Variants in EPHB1 observed in about 807,000 individuals in gnomAD.
The protein encoded by EPHB1 is EPH receptor B1, also known as ephrin type-B receptor 1.
A neutral mutation model predicts 94.4 loss-of-function variants in EPHB1; 30 were observed. The observed-to-expected ratio is 0.32, with a 90% CI of 0.24 to 0.43. EPHB1 has a LOEUF of 0.43. Ranked by LOEUF, EPHB1 falls within the 20% of genes least tolerant of loss-of-function variation. The pLI is 1.00. For synonymous variants in EPHB1, 522 were observed against 489.1 expected (o/e 1.07, Z -0.89); for missense variants, 1,055 against 1,308.3 (o/e 0.81, Z 2.99).
intron 1 of EPHB1, among the ~76,000 whole-genome samples, chr3:134,830,897 A>C (rs879763551): frequency 2.0e-5 from 3 of 152,160 alleles, no homozygotes; most frequent in Non-Finnish European, 4.4e-5. Flanking sequence ...AAAGGGTAGA[A>C]GCCCTGGATG....
intron 4 of EPHB1, among the ~76,000 whole-genome samples, chr3:135,116,610 G>A (rs1939726350): frequency 6.6e-6 from 1 of 152,126 alleles, no homozygotes; most frequent in Non-Finnish European, 1.5e-5. Flanking sequence ...AACCTGTATT[G>A]ATCCACTGGA....
At chr3:135,176,244 C>G (rs1941974830) in intron 9 of EPHB1, among the ~76,000 whole-genome samples, 1 of 152,146 alleles carries the variant, frequency 6.6e-6, no homozygotes, top group Non-Finnish European at 1.5e-5. Context: ...GGCCACCTTC[C>G]CAGCCCACCC....
intron 3 of EPHB1, among the ~76,000 whole-genome samples, chr3:135,104,351 T>G (rs1354605838): frequency 1.3e-5 from 2 of 152,052 alleles, no homozygotes; most frequent in Non-Finnish European, 1.5e-5. Context: ...TAAGCCAGAG[T>G]CTCCTCGGAT....
At chr3:134,998,925 GGAA>G (rs1159395659) in intron 3 of EPHB1, among the ~76,000 whole-genome samples, 1 of 152,166 alleles carries the variant, frequency 6.6e-6, no homozygotes, top group Admixed American at 6.5e-5. Context: ...GGCGACAGGA[GGAA>G]GAAGATAAGC....
At chr3:134,965,311 G>C (rs1220668694) in intron 3 of EPHB1, among the ~76,000 whole-genome samples, 3 of 152,188 alleles carry the variant, frequency 2.0e-5, no homozygotes, top group Non-Finnish European at 4.4e-5. Context: ...TACCTGATGA[G>C]AGTGACTGCT....
chr3:135,113,544 A>G (rs545615716), intron 4 of EPHB1, among the ~76,000 whole-genome samples: 7 of 151,938 alleles, frequency 4.6e-5, no homozygotes, highest in African/African-American at 1.7e-4. Flanking sequence ...CGGTCATGCC[A>G]CTTTTATTGT....
chr3:135,030,448 G>C (rs1369827372), intron 3 of EPHB1, among the ~76,000 whole-genome samples: 1 of 152,166 alleles, frequency 6.6e-6, no homozygotes, highest in East Asian at 1.9e-4. Flanking sequence ...TAACAGACAG[G>C]ACCCTCAGCT....
intron 1 of EPHB1, among the ~76,000 whole-genome samples, chr3:134,826,740 G>T (rs1211333376): frequency 2.0e-5 from 3 of 152,158 alleles, no homozygotes; most frequent in African/African-American, 7.2e-5. Context: ...AGTTTGTAGA[G>T]CTCATAGTTA....
intron 3 of EPHB1, among the ~76,000 whole-genome samples, chr3:135,056,110 C>T (rs1467085266): frequency 6.6e-6 from 1 of 152,218 alleles, no homozygotes; most frequent in Non-Finnish European, 1.5e-5. Flanking sequence ...CTGTCAGTTA[C>T]CAAGTTATTG....
intron 5 of EPHB1, among the ~76,000 whole-genome samples, chr3:135,137,472 C>T (rs1940662264): frequency 6.6e-6 from 1 of 152,152 alleles, no homozygotes; most frequent in African/African-American, 2.4e-5. Flanking sequence ...CTGATTAACC[C>T]AAGTCTTACT....
At chr3:134,804,589 CT>C (rs1332780515) in intron 1 of EPHB1, among the ~76,000 whole-genome samples, 4 of 152,122 alleles carry the variant, frequency 2.6e-5, no homozygotes, top group Non-Finnish European at 4.4e-5. Context: ...CAGCGCAGGT[CT>C]TCTGGTACTC....
chr3:134,799,792 T>C (rs993585802), intron 1 of EPHB1, among the ~76,000 whole-genome samples: 1 of 152,196 alleles, frequency 6.6e-6, no homozygotes, highest in African/African-American at 2.4e-5. Context: ...ATGACCAAGA[T>C]GTGCTATAAG....
chr3:134,972,118 T>C (rs1468043488), intron 3 of EPHB1, among the ~76,000 whole-genome samples: 1 of 152,028 alleles, frequency 6.6e-6, no homozygotes, highest in Non-Finnish European at 1.5e-5. Flanking sequence ...GAGAATTGCC[T>C]CTCCCCTGTG....
intron 3 of EPHB1, among the ~76,000 whole-genome samples, chr3:135,035,902 G>A (rs1024354231): frequency 2.9e-5 from 4 of 138,606 alleles, no homozygotes; most frequent in Non-Finnish European, 6.4e-5. Context: ...TTGGCTCATG[G>A]GATTTGCCGA....
rs34508563 is a variant in EPHB1 at position 135,099,012 on chromosome 3, CAAAAA to C, written c.806-7414_806-7410del. Among the ~76,000 whole-genome samples, 534 of 64,524 alleles carry C rather than the reference CAAAAA, an allele frequency of 8.3e-3. 5 individuals are homozygous for C. The highest frequency in any genetic ancestry group is 0.033 in the African/African-American group (510 of 15,596). The allele number at this position is 64,524 out of a possible 152,430, so 42.3% of individuals were successfully genotyped here. On this transcript the variant is annotated intron_variant, in intron 3 of 15. Coordinates refer to ENST00000398015, the MANE Select transcript of EPHB1 (RefSeq NM_004441.5). ...TGGGCAACAGAGTGAGACCCTGCCT[CAAAAA>C]AAAAAAAAAAAAAAAAAAAAAGGGA... is the stretch of plus-strand genomic sequence containing the variant.
chr3:135,182,565 A>G (rs574481437), intron 10 of EPHB1, among the ~76,000 whole-genome samples: 3 of 152,212 alleles, frequency 2.0e-5, no homozygotes, highest in Non-Finnish European at 4.4e-5. Context: ...CCACACAGGC[A>G]TGTATTATGC....
chr3:134,882,765 C>CTTTCTTTTT (rs1553861895), intron 1 of EPHB1, among the ~76,000 whole-genome samples: 1 of 79,882 alleles, frequency 1.3e-5, no homozygotes, highest in Non-Finnish European at 2.6e-5. Flanking sequence ...TTCCTTCCTT[C>CTTTCTTTTT]CTTTCTTTCT....
At chr3:135,127,028 A>G (rs1940235115) in intron 4 of EPHB1, among the ~76,000 whole-genome samples, 1 of 152,240 alleles carries the variant, frequency 6.6e-6, no homozygotes, top group Admixed American at 6.5e-5. Context: ...TTCTCTGTGG[A>G]CCAGCTACAG....
intron 3 of EPHB1, among the ~76,000 whole-genome samples, chr3:135,003,930 T>G (rs1270847116): frequency 6.6e-6 from 1 of 152,188 alleles, no homozygotes; most frequent in African/African-American, 2.4e-5. Context: ...AGTCTGTGTC[T>G]TTTAATTGGA....
Sources: allele counts gnomAD v4.1 joint callset (sites outside exome capture counted in the v4.1 genomes callset), GRCh38; gene constraint gnomAD v4.1.1; transcripts MANE v1.5; gene names NCBI Gene and HGNC (gene_info 2026-07-23, HGNC 2026-07-21).